VILL: variants seen among roughly 807,000 people sequenced by gnomAD.
VILL encodes villin-like protein.
Under a neutral mutation model 106.3 loss-of-function variants are expected in VILL, and 102 were observed. The ratio of observed to expected loss-of-function variants is 0.96; its 90% CI spans 0.82 to 1.13. The LOEUF (loss-of-function observed/expected upper bound fraction) is 1.13, where lower values mean the gene tolerates loss of function less well. Ranked by LOEUF, VILL falls within the 50% of genes most tolerant of loss-of-function variation. The probability of loss-of-function intolerance (pLI) is 0.00; values close to 1 mark genes in which losing one functional copy is unlikely to be tolerated. For missense variants in VILL, 1,076 were observed against 1,116.6 expected (o/e 0.96, Z 0.52); for synonymous variants, 431 against 440.3 (o/e 0.98, Z 0.27).
In VILL at chr3:37,997,821, G is replaced by T. The variant is rs1437971008; in HGVS notation, c.764+136G>T. On this transcript the variant is annotated intron_variant, in intron 7 of 19. Coordinates refer to ENST00000383759, the MANE Select transcript of VILL (RefSeq NM_015873.4). The surrounding 1 kb of genome is among the most constrained non-coding windows in gnomAD (Gnocchi z 4.7). ...GTTTCTGGGACAGGTCATGTGGACCGTGGGTCCAGCCTGTACTCTTCCATG... is the reference window on the plus strand; with the variant it reads ...GTTTCTGGGACAGGTCATGTGGACCTTGGGTCCAGCCTGTACTCTTCCATG... 3 of 1,020,172 alleles carry T rather than the reference G, an allele frequency of 2.9e-6. No homozygotes were observed. Among genetic ancestry groups the T allele is most frequent in the Non-Finnish European group, 4.3e-6 (3 of 704,418 alleles). The allele number at this position is 1,020,172 out of a possible 1,614,324, so 63.2% of individuals were successfully genotyped here.
At chr3:37,995,493 G>A (rs1699684509) in intron 4 of VILL, among the ~76,000 whole-genome samples, 3 of 152,240 alleles carry the variant, frequency 2.0e-5, no homozygotes, top group Non-Finnish European at 4.4e-5. Context: ...GTATGTACAT[G>A]TACACATATA....
chr3:38,006,028 T>C, intron 17 of VILL, 54 bp downstream of exon 17: 2 of 1,591,104 alleles, frequency 1.3e-6, no homozygotes, highest in Non-Finnish European at 1.7e-6. Context: ...GAGAGGAACC[T>C]GACCTGGGCC....
intron 14 of VILL, 61 bp from the exon 15 acceptor site, chr3:38,003,107 G>T (rs573021710): frequency 6.3e-7 from 1 of 1,583,556 alleles, no homozygotes; most frequent in African/African-American, 1.3e-5. Flanking sequence ...TGAACGGGAC[G>T]TGGGGCCGGA....
intron 16 of VILL, 27 bp from the exon 17 acceptor site, chr3:38,005,765 C>G (rs1699906371): frequency 6.3e-7 from 1 of 1,587,598 alleles, no homozygotes; most frequent in African/African-American, 1.3e-5. Context: ...TCCACCTGCC[C>G]AAGGCCAGGT....
In VILL at chr3:37,997,066, G is replaced by A. The variant is rs755975274; in HGVS notation, c.451-11G>A. ...GGTATGACACTCTGTCTCTCTCCCT[G>A]GCTCTGGCAGGTGGAGCTCTCCTGG... is the stretch of plus-strand genomic sequence containing the variant. On this transcript the variant is annotated splice_polypyrimidine_tract_variant and intron_variant, in intron 5 of 19. Transcript: ENST00000383759. This position sits in a 1 kb window ranked among gnomAD's most constrained non-coding sequence, Gnocchi z 4.7. The A allele has an allele frequency of 1.9e-6, 3 of 1,612,560 alleles. No individual in the cohort carries two copies. Among genetic ancestry groups the A allele is most frequent in the Non-Finnish European group, 2.5e-6 (3 of 1,178,746 alleles).
At chr3:37,993,998 G>C (rs769311281) in intron 3 of VILL, 26 bp downstream of exon 3, 3 of 1,613,710 alleles carry the variant, frequency 1.9e-6, no homozygotes, top group Non-Finnish European at 8.5e-7. Flanking sequence ...AAGTCTGCCT[G>C]AGAGGGGTGG....
intron 1 of VILL, among the ~76,000 whole-genome samples, chr3:37,991,958 T>G (rs1001782974): frequency 5.9e-5 from 9 of 152,112 alleles, no homozygotes; most frequent in African/African-American, 2.2e-4. Flanking sequence ...ACCTCAGCCC[T>G]GGCAGCTGAG....
Position 38,002,554 on chromosome 3 carries a change from C to T in VILL, c.1638C>T (p.Val546=). The T allele has an allele frequency of 6.2e-7, 1 of 1,613,812 alleles. No individual in the cohort carries two copies. Among genetic ancestry groups the T allele is most frequent in the Non-Finnish European group, 8.5e-7 (1 of 1,179,758 alleles). Residue 546 remains valine (V), a synonymous_variant, in exon 14 of 20, where the codon GTC becomes GTT. Transcript: ENST00000383759. ...SDIFLLVTAS[V]CYLWFGKGCN... The stretch of plus-strand genomic sequence containing the variant: ...TCTTCTTGCTGGTCACAGCCAGCGT[C>T]TGCTACCTCTGGTTTGGGAAGGTAC...
intron 16 of VILL, 63 bp downstream of exon 16, chr3:38,004,462 G>A: frequency 6.4e-7 from 1 of 1,567,146 alleles, no homozygotes; most frequent in Non-Finnish European, 8.7e-7. Context: ...TTGTGTAACT[G>A]GGTGTGTGTG....
intron 1 of VILL, among the ~76,000 whole-genome samples, chr3:37,993,204 G>A (rs1008212404): frequency 3.9e-5 from 6 of 152,178 alleles, no homozygotes; most frequent in South Asian, 2.1e-4. Flanking sequence ...CTCTCTGCAC[G>A]CGCAGAACCA....
At position 38,006,945 on chromosome 3, in the gene VILL, T is replaced by TATC. The variant is rs748209017; in HGVS notation, c.2462_2464dup (p.Tyr821_Leu822insHis). 1.2e-5 allele frequency: 20 copies of TATC among 1,613,620 alleles called. No individual in the cohort carries two copies. Among genetic ancestry groups the TATC allele is most frequent in the East Asian group, 2.2e-5 (1 of 44,892 alleles). On this transcript the variant is annotated inframe_insertion, in exon 20 of 20. Transcript: ENST00000383759. ...TCCCCCTCTCTCCCCTGCCCAGTTC[T>TATC]ATCTCTCAGACTCTGACTTCCAAGA...
chr3:38,002,921 C>G, intron 14 of VILL: 1 of 546,526 alleles, frequency 1.8e-6, no homozygotes, highest in African/African-American at 1.9e-5. Flanking sequence ...GACTGACCCT[C>G]TAAGCCTGGG....
Position 38,001,547 on chromosome 3 carries a change from C to T in VILL, c.1274C>T (p.Thr425Ile), listed in dbSNP as rs749287718. 30 of 1,614,124 alleles carry T rather than the reference C, an allele frequency of 1.9e-5. No individual in the cohort carries two copies. The highest frequency in any genetic ancestry group is 2.5e-5 in the Non-Finnish European group (29 of 1,180,048). Reference sequence around the variant, plus strand: ...GGCAACTGCTACCTTGTGCTCTACACATACCAGAGGCTGGGCCGTGTCCAG... The same window carrying T: ...GGCAACTGCTACCTTGTGCTCTACATATACCAGAGGCTGGGCCGTGTCCAG... ...CAGNCYLVLY[T>I]YQRLGRVQYI... Residue 425 changes from threonine (T) to isoleucine (I), a missense_variant, in exon 12 of 20, where the codon ACA becomes ATA. Coordinates refer to ENST00000383759, the MANE Select transcript of VILL (RefSeq NM_015873.4).
intron 1 of VILL, 122 bp from the exon 2 acceptor site, chr3:37,993,465 C>A: frequency 1.7e-6 from 1 of 589,480 alleles, no homozygotes; most frequent in Non-Finnish European, 3.0e-6. Context: ...GCCTAATCTG[C>A]CCAACCCACT....
In VILL at chr3:37,997,479, G is replaced by A. The variant is rs201779338; in HGVS notation, c.562-4G>A. 159 of 1,613,232 alleles carry A rather than the reference G, an allele frequency of 9.9e-5. No homozygotes were observed. The African/African-American group carries it at 1.8e-3, about 18-fold the overall frequency. On this transcript the variant is annotated splice_region_variant and splice_polypyrimidine_tract_variant and intron_variant, in intron 6 of 19. Transcript: ENST00000383759. This position sits in a 1 kb window ranked among gnomAD's most constrained non-coding sequence, Gnocchi z 4.7. ...CACCCTGACTCCCAGGTCCTCTCCC[G>A]CAGGGGCTGGCTTTGACCTACAGCC...
At chr3:38,005,222 T>C (rs1352260622) in intron 16 of VILL, among the ~76,000 whole-genome samples, 1 of 152,162 alleles carries the variant, frequency 6.6e-6, no homozygotes, top group Non-Finnish European at 1.5e-5. Context: ...CCAGAGCTCT[T>C]ACCACAGCCC....
At chr3:38,004,548 A>T in intron 16 of VILL, 149 bp downstream of exon 16, 1 of 1,040,780 alleles carries the variant, frequency 9.6e-7, no homozygotes, top group Non-Finnish European at 1.4e-6. Flanking sequence ...ATTGCGGTGC[A>T]TATGAGACCA....
chr3:37,994,472 T>C lies in VILL; in HGVS notation c.341+6T>C. The C allele has an allele frequency of 6.2e-7, 1 of 1,611,206 alleles. No individual in the cohort carries two copies. On this transcript the variant is annotated splice_donor_region_variant and intron_variant, in intron 4 of 19. Transcript: ENST00000383759. ...TACTTCCGCCCGGGAATCATGTGAG[T>C]GCGGGGGCGACCGGGGCAGGAGGGA...
At chr3:38,002,221 TG>T in intron 13 of VILL, 174 bp from the exon 14 acceptor site, 1 of 652,330 alleles carries the variant, frequency 1.5e-6, no homozygotes, top group Non-Finnish European at 2.6e-6. Context: ...CCCAGACTGA[TG>T]GGATTCCTGC....
Sources: allele counts gnomAD v4.1 joint callset (sites outside exome capture counted in the v4.1 genomes callset), GRCh38; gene constraint gnomAD v4.1.1; non-coding constraint Gnocchi (gnomAD v3.1); transcripts MANE v1.5; gene names NCBI Gene and HGNC (gene_info 2026-07-23, HGNC 2026-07-21).